Variants in SLC44A5 observed in about 807,000 individuals in gnomAD.
SLC44A5 encodes choline transporter-like protein 5.
Under a neutral mutation model 101.8 loss-of-function variants are expected in SLC44A5, and 57 were observed. The ratio of observed to expected loss-of-function variants is 0.56; its 90% CI spans 0.45 to 0.70. The LOEUF (loss-of-function observed/expected upper bound fraction) is 0.70, where lower values mean the gene tolerates loss of function less well. SLC44A5 is among the 30% of genes least tolerant of loss of function. The probability of loss-of-function intolerance (pLI) is 0.00; values close to 1 mark genes in which losing one functional copy is unlikely to be tolerated. For missense variants in SLC44A5, 737 were observed against 853.1 expected (o/e 0.86, Z 1.70); for synonymous variants, 281 against 290.9 (o/e 0.97, Z 0.35).
At position 75,242,000 on chromosome 1, in the gene SLC44A5, C is replaced by T; in HGVS notation, c.532+1G>A. 6.2e-7 allele frequency: 1 copy of T among 1,611,362 alleles called. No individual in the cohort carries two copies. Among genetic ancestry groups the T allele is most frequent in the Non-Finnish European group, 8.5e-7 (1 of 1,178,074 alleles). On this transcript the variant is annotated splice_donor_variant, in intron 9 of 23. Transcript: ENST00000370859. LOFTEE classifies it high-confidence loss of function. ...TCTAAGGTAAAATAGTTGCCACTTA[C>T]AAGGTTTGCTGGGAAAAATCGCTGT...
chr1:75,528,556 T>G (rs568665885), intron 2 of SLC44A5, among the ~76,000 whole-genome samples: 57 of 152,168 alleles, frequency 3.7e-4, no homozygotes, highest in Non-Finnish European at 6.8e-4. Context: ...TATGAAAACA[T>G]GTGCGACAGT....
the SLC44A5 span, among the ~76,000 whole-genome samples, chr1:75,662,768 T>C: frequency 5.9e-5 from 9 of 152,158 alleles, no homozygotes. Flanking sequence ...GATGTGTTTG[T>C]ATTCTCTCAA....
At chr1:75,596,064 C>G (rs1674612883) in intron 1 of SLC44A5, among the ~76,000 whole-genome samples, 1 of 152,040 alleles carries the variant, frequency 6.6e-6, no homozygotes, top group South Asian at 2.1e-4. Flanking sequence ...TTCTAATAAC[C>G]AATTGGTACA....
chr1:75,492,951 AC>A (rs1668499474), intron 2 of SLC44A5, among the ~76,000 whole-genome samples: 1 of 152,204 alleles, frequency 6.6e-6, no homozygotes. Context: ...GGAATTTTCT[AC>A]CTGAAGGTAA....
chr1:75,491,457 A>C (rs1668420126), intron 2 of SLC44A5, among the ~76,000 whole-genome samples: 1 of 152,158 alleles, frequency 6.6e-6, no homozygotes. Flanking sequence ...TGTTACTTAT[A>C]GTTGGAAGAT....
intron 2 of SLC44A5, among the ~76,000 whole-genome samples, chr1:75,532,968 T>C (rs1296620794): frequency 6.6e-6 from 1 of 152,238 alleles, no homozygotes; most frequent in Non-Finnish European, 1.5e-5. Flanking sequence ...TAATTAGCAA[T>C]CTAAACTTTC....
At chr1:75,641,094 G>A in the SLC44A5 span, among the ~76,000 whole-genome samples, 1 of 152,044 alleles carries the variant, frequency 6.6e-6, no homozygotes, top group Non-Finnish European at 1.5e-5. Context: ...GGCAACTTTA[G>A]ACTCTCCCAG....
the SLC44A5 span, among the ~76,000 whole-genome samples, chr1:75,682,372 A>C: frequency 6.6e-5 from 10 of 152,030 alleles, no homozygotes; most frequent in African/African-American, 2.4e-4. Context: ...AGGCTACAGT[A>C]ACCAAAACAG....
intron 2 of SLC44A5, among the ~76,000 whole-genome samples, chr1:75,478,036 A>G (rs2101757805): frequency 6.6e-6 from 1 of 152,380 alleles, no homozygotes; most frequent in South Asian, 2.1e-4. Flanking sequence ...GAAGCCCATC[A>G]GACTAACAGC....
chr1:75,497,286 G>T (rs1384897463), intron 2 of SLC44A5, among the ~76,000 whole-genome samples: 4 of 151,796 alleles, frequency 2.6e-5, no homozygotes, highest in Non-Finnish European at 4.4e-5. Context: ...TGTGTGTGTG[G>T]GTGTTTTATT....
chr1:75,673,305 G>A, the SLC44A5 span, among the ~76,000 whole-genome samples: 3 of 152,106 alleles, frequency 2.0e-5, no homozygotes, highest in Admixed American at 6.5e-5. Context: ...TGGGTCGGGG[G>A]TGTGATGACC....
chr1:75,586,474 TAA>T (rs59472649), intron 1 of SLC44A5, among the ~76,000 whole-genome samples: 39,442 of 146,272 alleles, frequency 0.27, 7,021 homozygotes, highest in East Asian at 0.77. Context: ...TATATATATA[TAA>T]AATTTAAAAT....
chr1:75,338,510 CAAAT>C (rs1221013910), intron 4 of SLC44A5, among the ~76,000 whole-genome samples: 1 of 152,126 alleles, frequency 6.6e-6, no homozygotes, highest in Non-Finnish European at 1.5e-5. Context: ...TCAATGCTTA[CAAAT>C]AAGTTATTGT....
intron 4 of SLC44A5, among the ~76,000 whole-genome samples, chr1:75,308,093 T>C (rs1655040561): frequency 6.6e-6 from 1 of 152,198 alleles, no homozygotes. Context: ...AGGATTATTA[T>C]TTTTAACACA....
intron 4 of SLC44A5, among the ~76,000 whole-genome samples, chr1:75,321,215 A>G (rs1656116999): frequency 6.6e-6 from 1 of 152,132 alleles, no homozygotes. Flanking sequence ...AGCTGCTTCC[A>G]CATTTTTAGG....
intron 1 of SLC44A5, among the ~76,000 whole-genome samples, chr1:75,588,056 G>A (rs933508746): frequency 2.0e-5 from 3 of 152,178 alleles, no homozygotes; most frequent in Non-Finnish European, 4.4e-5. Context: ...AGAAAAAGGA[G>A]TGTAGAGAAA....
chr1:75,243,239 G>A (rs79673711), intron 7 of SLC44A5, among the ~76,000 whole-genome samples: 2,448 of 151,986 alleles, frequency 0.016, 61 homozygotes, highest in African/African-American at 0.056. Context: ...CTGGGCTCAA[G>A]TGTCCTCCCA....
intron 1 of SLC44A5, among the ~76,000 whole-genome samples, chr1:75,544,809 T>A (rs1671554688): frequency 6.6e-6 from 1 of 152,186 alleles, no homozygotes; most frequent in Non-Finnish European, 1.5e-5. Context: ...TTAATCTCCT[T>A]CATCTGGGAC....
At chr1:75,249,443 T>C (rs1649380539) in intron 7 of SLC44A5, among the ~76,000 whole-genome samples, 1 of 152,078 alleles carries the variant, frequency 6.6e-6, no homozygotes, top group Admixed American at 6.6e-5. Flanking sequence ...AATATGGGCC[T>C]CAAGACAGCA....
Sources: allele counts gnomAD v4.1 joint callset (sites outside exome capture counted in the v4.1 genomes callset), GRCh38; gene constraint gnomAD v4.1.1; transcripts MANE v1.5; gene names NCBI Gene and HGNC (gene_info 2026-07-23, HGNC 2026-07-21).